Variants in ADAMTSL3 observed in about 807,000 individuals in gnomAD.
ADAMTSL3 encodes the protein ADAMTS like 3, also known as ADAMTS-like protein 3.
ADAMTSL3 carries 128 observed loss-of-function variants against 201.7 expected under a neutral mutation model. The ratio of observed to expected loss-of-function variants is 0.63; its 90% CI spans 0.55 to 0.73. ADAMTSL3 has a LOEUF of 0.73. Among genes scored for constraint, ADAMTSL3 ranks in the 30% least tolerant of loss-of-function variants. The probability of loss-of-function intolerance (pLI) is 0.00; values close to 1 mark genes in which losing one functional copy is unlikely to be tolerated. For synonymous variants in ADAMTSL3, 738 were observed against 748.4 expected, an observed-to-expected ratio of 0.99 and a Z score of 0.23; for missense variants, 1,990 against 2,119.6, an observed-to-expected ratio of 0.94 and a Z score of 1.20.
chr15:83,668,108 T>C (rs1466861746), intron 2 of ADAMTSL3, among the ~76,000 whole-genome samples: 1 of 151,772 alleles, frequency 6.6e-6, no homozygotes, highest in East Asian at 1.9e-4. Flanking sequence ...CAAAAATAAG[T>C]GCCATGGAAT....
intron 3 of ADAMTSL3, among the ~76,000 whole-genome samples, chr15:83,753,257 T>C (rs1005252226): frequency 6.6e-6 from 1 of 152,176 alleles, no homozygotes; most frequent in Non-Finnish European, 1.5e-5. Flanking sequence ...GTCAAGGAAT[T>C]GGGATTTTGC....
At chr15:83,810,491 T>A (rs1461738768) in intron 5 of ADAMTSL3, among the ~76,000 whole-genome samples, 3 of 152,250 alleles carry the variant, frequency 2.0e-5, no homozygotes, top group Non-Finnish European at 4.4e-5. Context: ...GGTAACATAT[T>A]ACTATAAATA....
chr15:83,781,450 C>G (rs1012350456), intron 4 of ADAMTSL3, among the ~76,000 whole-genome samples: 1 of 152,122 alleles, frequency 6.6e-6, no homozygotes, highest in Non-Finnish European at 1.5e-5. Context: ...ACATCATATA[C>G]AAAAATTAAC....
chr15:83,707,225 A>C (rs1267295938), intron 3 of ADAMTSL3, among the ~76,000 whole-genome samples: 2 of 152,196 alleles, frequency 1.3e-5, no homozygotes, highest in East Asian at 1.9e-4. Flanking sequence ...CTCATCTATG[A>C]AATGGAGATT....
At chr15:83,728,142 T>G (rs910237807) in intron 3 of ADAMTSL3, among the ~76,000 whole-genome samples, 1 of 152,026 alleles carries the variant, frequency 6.6e-6, no homozygotes, top group Non-Finnish European at 1.5e-5. Flanking sequence ...TTTCTAGGTT[T>G]TGTCTTGAAA....
intron 3 of ADAMTSL3, among the ~76,000 whole-genome samples, chr15:83,755,008 G>A (rs943116047): frequency 1.3e-5 from 2 of 152,066 alleles, no homozygotes; most frequent in African/African-American, 4.8e-5. Context: ...TATCGTATAT[G>A]TTCCACACCC....
chr15:83,781,622 A>G (rs1458754079), intron 4 of ADAMTSL3, among the ~76,000 whole-genome samples: 1 of 152,200 alleles, frequency 6.6e-6, no homozygotes, highest in African/African-American at 2.4e-5. Flanking sequence ...TTAAACTAGT[A>G]AGTTTCTGCA....
intron 4 of ADAMTSL3, among the ~76,000 whole-genome samples, chr15:83,786,459 T>G (rs2063265236): frequency 6.6e-6 from 1 of 152,236 alleles, no homozygotes; most frequent in African/African-American, 2.4e-5. Flanking sequence ...ATATACATTC[T>G]AATTATACTC....
rs115579823 is a variant in ADAMTSL3, at chr15:83,684,455, T to C, written c.70-19934T>C. ...GGCTAGGACTTGAAGTTCCAGCCACTTGGGAGTCTGAGGGAGGAGGATCAC... is the reference window on the plus strand; with the variant it reads ...GGCTAGGACTTGAAGTTCCAGCCACCTGGGAGTCTGAGGGAGGAGGATCAC... On this transcript the variant is annotated intron_variant, in intron 2 of 29. Transcript: ENST00000286744. Among the ~76,000 whole-genome samples the C allele has an allele frequency of 8.6e-3, 1,312 of 152,298 alleles. 16 individuals are homozygous for C. Among genetic ancestry groups the C allele is most frequent in the African/African-American group, 0.028 (1,167 of 41,564 alleles).
intron 17 of ADAMTSL3, among the ~76,000 whole-genome samples, chr15:83,930,343 G>A (rs1302480215): frequency 6.6e-6 from 1 of 152,158 alleles, no homozygotes; most frequent in Non-Finnish European, 1.5e-5. Context: ...CGTGCTTGGG[G>A]TTTTAGTTCT....
intron 8 of ADAMTSL3, among the ~76,000 whole-genome samples, chr15:83,870,413 G>T (rs1362254651): frequency 6.6e-6 from 1 of 152,176 alleles, no homozygotes; most frequent in Non-Finnish European, 1.5e-5. Context: ...AAGCAAATTT[G>T]AAATTTGCTG....
intron 4 of ADAMTSL3, among the ~76,000 whole-genome samples, chr15:83,796,585 C>T (rs149371536): frequency 3.3e-5 from 5 of 152,082 alleles, no homozygotes; most frequent in African/African-American, 7.2e-5. Flanking sequence ...AATCTATAAG[C>T]ATAATTTCAA....
intron 22 of ADAMTSL3, 127 bp from the exon 23 acceptor site, chr15:83,990,959 G>A (rs1306068909): frequency 8.8e-6 from 12 of 1,361,970 alleles, no homozygotes; most frequent in Non-Finnish European, 5.1e-6. Flanking sequence ...CACCTTGAGG[G>A]ATACAGAGAG....
chr15:83,947,302 G>A (rs2066671598), intron 19 of ADAMTSL3, among the ~76,000 whole-genome samples: 1 of 152,238 alleles, frequency 6.6e-6, no homozygotes. Flanking sequence ...ATTCTTCACG[G>A]AGCCAGGCCT....
At chr15:84,016,574 T>C in intron 25 of ADAMTSL3, 75 bp downstream of exon 25, 2 of 1,229,642 alleles carry the variant, frequency 1.6e-6, no homozygotes, top group Non-Finnish European at 1.2e-6. Flanking sequence ...TAAAAGACCA[T>C]CTGTATTTTT....
chr15:83,678,752 T>TATATATATTGTGTATATATATAACATTA (rs2061438813), intron 2 of ADAMTSL3, among the ~76,000 whole-genome samples: 1 of 144,102 alleles, frequency 6.9e-6, no homozygotes, highest in Admixed American at 7.1e-5. Flanking sequence ...ATATATATTA[T>TATATATATTGTGTATATATATAACATTA]ATATATATTG....
At position 83,655,814 on chromosome 15, in the gene ADAMTSL3, A is replaced by C. The variant is rs776622509; in HGVS notation, c.53A>C (p.His18Pro). Reference protein sequence around the residue: ...WWVLIGMVFMHSPLPQTTAEK... With the variant: ...WWVLIGMVFMPSPLPQTTAEK... Reference sequence around the variant, plus strand: ...GTGCTGATAGGGATGGTCTTCATGCACTCTCCCCTCCCGCAGGTAAGGTCA... The same window carrying C: ...GTGCTGATAGGGATGGTCTTCATGCCCTCTCCCCTCCCGCAGGTAAGGTCA... Residue 18 changes from histidine to proline, a missense_variant, in exon 2 of 30, where the codon CAC (histidine) becomes CCC (proline). His to Pro is a moderately conservative substitution (Grantham distance 77, BLOSUM62 -2). Transcript: ENST00000286744. 8.7e-6 allele frequency: 14 copies of C among 1,612,876 alleles called. No homozygotes were observed. Among genetic ancestry groups the C allele is most frequent in the Admixed American group, 1.7e-5 (1 of 59,882 alleles).
chr15:83,899,673 C>A lies in ADAMTSL3; in HGVS notation c.1642C>A (p.Pro548Thr), dbSNP rs774048002. ...KEKSPVEAKL[P>T]WLKQAQELEE... ...AAAAAGTCCAGTGGAAGCAAAATTG[C>A]CTTGGCTGAAACAAGCACAAGAACT... is the stretch of plus-strand genomic sequence containing the variant. The change falls in exon 15 of 30, where the codon CCT (proline) becomes ACT (threonine). Residue 548 changes from proline to threonine, a missense_variant. Transcript: ENST00000286744. The A allele has an allele frequency of 1.2e-6, 2 of 1,611,980 alleles. No individual in the cohort carries two copies. The highest frequency in any genetic ancestry group is 2.7e-5 in the African/African-American group (2 of 74,784).
chr15:83,813,084 T>G (rs1466859495), intron 5 of ADAMTSL3, among the ~76,000 whole-genome samples: 1 of 152,234 alleles, frequency 6.6e-6, no homozygotes, highest in East Asian at 1.9e-4. Context: ...GCATGGTAGC[T>G]TTTAGCAACA....
Sources: gnomAD v4.1 joint callset for allele counts (sites outside exome capture counted in the v4.1 genomes callset) on GRCh38, gnomAD v4.1.1 for gene constraint, MANE v1.5 for transcripts, NCBI Gene and HGNC (gene_info 2026-07-23, HGNC 2026-07-21) for gene names.